The following NELL1 variants were observed in gnomAD, a reference collection of about 807,000 sequenced individuals.
NELL1 encodes neural EGFL like 1, also known as protein kinase C-binding protein NELL1.
In NELL1, 76 loss-of-function variants were observed where a neutral mutation model predicts 107.4. The observed-to-expected ratio is 0.71, with a 90% confidence interval of 0.59 to 0.86. The LOEUF (loss-of-function observed/expected upper bound fraction) is 0.86, where lower values mean the gene tolerates loss of function less well. NELL1 is among the 40% of genes least tolerant of loss of function. The pLI, the probability that NELL1 is intolerant of heterozygous loss-of-function variation, is 0.00. For synonymous variants in NELL1, 353 were observed against 341.2 expected (o/e 1.03, Z -0.38); for missense variants, 1,024 against 1,005.5 (o/e 1.02, Z -0.25).
intron 14 of NELL1, among the ~76,000 whole-genome samples, chr11:21,317,423 T>TC (rs2133658763): frequency 4.7e-3 from 1 of 214 alleles, no homozygotes; most frequent in African/African-American, 0.02. Flanking sequence ...TAGTACAAAT[T>TC]TTGCTATTTA....
At chr11:20,721,822 T>A (rs1181570609) in intron 2 of NELL1, among the ~76,000 whole-genome samples, 1 of 152,158 alleles carries the variant, frequency 6.6e-6, no homozygotes, top group East Asian at 1.9e-4. Flanking sequence ...CACAGAGATC[T>A]AACTGTAGTT....
chr11:21,441,957 A>G (rs2133847003), intron 15 of NELL1, among the ~76,000 whole-genome samples: 1 of 152,328 alleles, frequency 6.6e-6, no homozygotes, highest in South Asian at 2.1e-4. Context: ...ATACTTTTAA[A>G]TGCAGCAAAA....
At chr11:21,494,513 A>C (rs754516219) in intron 15 of NELL1, among the ~76,000 whole-genome samples, 5 of 151,962 alleles carry the variant, frequency 3.3e-5, no homozygotes, top group Non-Finnish European at 7.4e-5. Flanking sequence ...GTGTATTTCA[A>C]CAAATATGTT....
At chr11:21,001,475 C>G (rs1852219528) in intron 12 of NELL1, among the ~76,000 whole-genome samples, 3 of 151,744 alleles carry the variant, frequency 2.0e-5, no homozygotes, top group Admixed American at 2.0e-4. Context: ...CTGATGGAAG[C>G]AGCCCTGGGC....
At chr11:21,241,577 A>T (rs933247345) in intron 14 of NELL1, among the ~76,000 whole-genome samples, 2 of 152,116 alleles carry the variant, frequency 1.3e-5, no homozygotes, top group African/African-American at 4.8e-5. Flanking sequence ...GGATAAATTT[A>T]AAAATATTTA....
At chr11:21,404,045 G>A (rs988310018) in intron 15 of NELL1, among the ~76,000 whole-genome samples, 7 of 79,156 alleles carry the variant, frequency 8.8e-5, no homozygotes, top group Admixed American at 1.9e-4. Flanking sequence ...TATTCCCCCC[G>A]CCACCACGCA....
chr11:20,967,969 A>C (rs1482737647), intron 12 of NELL1, among the ~76,000 whole-genome samples: 1 of 152,072 alleles, frequency 6.6e-6, no homozygotes, highest in African/African-American at 2.4e-5. Context: ...CATCCCTCCA[A>C]TAGGCCTGTG....
At chr11:20,963,125 C>T (rs958742842) in intron 12 of NELL1, among the ~76,000 whole-genome samples, 5 of 152,074 alleles carry the variant, frequency 3.3e-5, no homozygotes, top group African/African-American at 1.2e-4. Flanking sequence ...TTCCATAGCT[C>T]TAAGAATGGT....
intron 2 of NELL1, among the ~76,000 whole-genome samples, chr11:20,715,592 C>T (rs1611930): frequency 0.31 from 46,955 of 152,050 alleles, 8,472 homozygotes; most frequent in African/African-American, 0.49. Context: ...TGCAACCTGA[C>T]AGAAATACAG....
intron 16 of NELL1, among the ~76,000 whole-genome samples, chr11:21,556,761 A>G (rs1040746074): frequency 6.6e-6 from 1 of 152,030 alleles, no homozygotes; most frequent in Non-Finnish European, 1.5e-5. Flanking sequence ...TATTGAAAAA[A>G]TATTTCATTC....
Position 20,761,157 on chromosome 11 carries a change from C to T in NELL1, c.185-22523C>T, listed in dbSNP as rs114516200. Among the ~76,000 whole-genome samples the T allele has an allele frequency of 1.2e-3, 179 of 152,260 alleles. 2 individuals carry two copies. Among genetic ancestry groups the T allele is most frequent in the African/African-American group, 4.3e-3 (178 of 41,546 alleles). ...ATTTTATTTTGCATCTGCACATAAC[C>T]ACTGTTGGGTTGCCTGTTGTCATGA... On this transcript the variant is annotated intron_variant, in intron 2 of 19. Coordinates refer to ENST00000357134, the MANE Select transcript of NELL1 (RefSeq NM_006157.5).
In NELL1 at chr11:21,324,079, T is replaced by G. The variant is rs544590914; in HGVS notation, c.1550-46774T>G. 5.9e-5 allele frequency among the ~76,000 whole-genome samples: 9 copies of G among 152,284 alleles called. No individual in the cohort carries two copies. The East Asian group carries it at 1.7e-3, about 29-fold the overall frequency. Reference sequence around the variant, plus strand: ...GGGAAGGATTAACATTTCATTAATTTAGGAGTGTAATAAACTACCCATGTG... The same window carrying G: ...GGGAAGGATTAACATTTCATTAATTGAGGAGTGTAATAAACTACCCATGTG... On this transcript the variant is annotated intron_variant, in intron 14 of 19. Transcript: ENST00000357134.
intron 5 of NELL1, 47 bp downstream of exon 5, chr11:20,885,587 TCA>T (rs752475685): frequency 6.0e-6 from 7 of 1,164,138 alleles, no homozygotes; most frequent in African/African-American, 1.5e-5. Context: ...TAGGCGATGC[TCA>T]GTTTTCTGTG....
intron 15 of NELL1, among the ~76,000 whole-genome samples, chr11:21,486,081 C>T (rs990872869): frequency 6.6e-6 from 1 of 152,032 alleles, no homozygotes; most frequent in South Asian, 2.1e-4. Context: ...ACAAAATACC[C>T]ATAGACCAGG....
chr11:20,968,356 A>AAAGAAAGG lies in NELL1; in HGVS notation c.1300+7799_1300+7800insAAAGGAAG, dbSNP rs1554951743. ...CACACAAACATTTGCTTAAAGAAAG[A>AAAGAAAGG]AAGGAAGGAAGGAAGGAAGGAAGAC... On this transcript the variant is annotated intron_variant, in intron 12 of 19. Coordinates refer to ENST00000357134, the MANE Select transcript of NELL1 (RefSeq NM_006157.5). Among the ~76,000 whole-genome samples the AAAGAAAGG allele has an allele frequency of 3.6e-4, 55 of 151,276 alleles. 1 individual carries two copies. The highest frequency in any genetic ancestry group is 1.2e-3 in the African/African-American group (49 of 41,060).
At chr11:21,314,042 G>A (rs1369387936) in intron 14 of NELL1, among the ~76,000 whole-genome samples, 2 of 126,020 alleles carry the variant, frequency 1.6e-5, no homozygotes, top group Non-Finnish European at 3.1e-5. Context: ...TTTGCCATGT[G>A]AAGTGCCTAT....
intron 3 of NELL1, among the ~76,000 whole-genome samples, chr11:20,829,293 C>T (rs553180091): frequency 3.2e-4 from 45 of 138,804 alleles, no homozygotes; most frequent in Non-Finnish European, 5.4e-4. Context: ...GTGGTGCAAT[C>T]GCGGCTCACT....
intron 12 of NELL1, among the ~76,000 whole-genome samples, chr11:20,973,178 G>A (rs1394619728): frequency 2.9e-5 from 4 of 139,776 alleles, no homozygotes; most frequent in East Asian, 2.2e-4. Context: ...GCACAATCTC[G>A]GCTCACTGCA....
At chr11:20,890,015 T>G (rs967140163) in intron 5 of NELL1, among the ~76,000 whole-genome samples, 2 of 152,178 alleles carry the variant, frequency 1.3e-5, no homozygotes, top group African/African-American at 2.4e-5. Context: ...AATGCCTCAT[T>G]AAACAGGTCC....
Sources: gnomAD v4.1 joint callset for allele counts (sites outside exome capture counted in the v4.1 genomes callset) on GRCh38, gnomAD v4.1.1 for gene constraint, MANE v1.5 for transcripts, NCBI Gene and HGNC (gene_info 2026-07-23, HGNC 2026-07-21) for gene names.